Variants in TACR3 observed in about 807,000 individuals in gnomAD.
TACR3 encodes neuromedin-K receptor.
A neutral mutation model predicts 35.0 loss-of-function variants in TACR3; 34 were observed. The ratio of observed to expected loss-of-function variants is 0.97; its 90% CI spans 0.74 to 1.30. The LOEUF (loss-of-function observed/expected upper bound fraction) is 1.30, where lower values mean the gene tolerates loss of function less well. TACR3 is among the 50% of genes most tolerant of loss of function. The probability of loss-of-function intolerance (pLI) is 0.00; values close to 1 mark genes in which losing one functional copy is unlikely to be tolerated. For missense variants in TACR3, 558 were observed against 591.7 expected (o/e 0.94, Z 0.59); for synonymous variants, 233 against 221.1 (o/e 1.05, Z -0.48).
chr4:103,611,697 G>T (rs1257993100), intron 3 of TACR3, among the ~76,000 whole-genome samples: 1 of 152,024 alleles, frequency 6.6e-6, no homozygotes, highest in Non-Finnish European at 1.5e-5. Flanking sequence ...AGAGGAGAAT[G>T]ATTCTGGAGC....
chr4:103,689,151 C>T (rs1174649205), intron 1 of TACR3, among the ~76,000 whole-genome samples: 5 of 147,394 alleles, frequency 3.4e-5, no homozygotes, highest in African/African-American at 1.3e-4. Context: ...ATCGCAAGAA[C>T]AAAAAACCAA....
chr4:103,641,469 A>G (rs1227766037), intron 3 of TACR3, among the ~76,000 whole-genome samples: 1 of 152,000 alleles, frequency 6.6e-6, no homozygotes, highest in African/African-American at 2.4e-5. Context: ...AAAATGGAAG[A>G]TAAGTGTTGG....
chr4:103,606,320 T>C (rs1724362038), intron 3 of TACR3, among the ~76,000 whole-genome samples: 8 of 152,126 alleles, frequency 5.3e-5, no homozygotes, highest in Admixed American at 5.2e-4. Flanking sequence ...TCTTTTTTGG[T>C]TCCATATGAA....
intron 3 of TACR3, among the ~76,000 whole-genome samples, chr4:103,599,344 G>A (rs113538428): frequency 3.3e-5 from 5 of 152,202 alleles, no homozygotes; most frequent in Admixed American, 6.5e-5. Flanking sequence ...TCAGCTTGAG[G>A]AGATTTTGGG....
At chr4:103,707,331 A>C (rs1722817981) in intron 1 of TACR3, among the ~76,000 whole-genome samples, 1 of 152,216 alleles carries the variant, frequency 6.6e-6, no homozygotes, top group Non-Finnish European at 1.5e-5. Context: ...TTTATAAGAA[A>C]TTAAGACTGT....
chr4:103,703,466 T>C lies in TACR3; in HGVS notation c.548+15662A>G, dbSNP rs902195227. 2.6e-5 allele frequency among the ~76,000 whole-genome samples: 4 copies of C among 152,248 alleles called. No individual in the cohort carries two copies. In the South Asian group the frequency reaches 8.3e-4, roughly 32 times the overall value. On this transcript the variant is annotated intron_variant, in intron 1 of 4. Coordinates refer to ENST00000304883, the MANE Select transcript of TACR3 (RefSeq NM_001059.3). ...GTCTCAACATTCAGAGAAAATTCAA[T>C]CCATATTCACCTCATGGCACATATA...
intron 3 of TACR3, among the ~76,000 whole-genome samples, chr4:103,598,657 C>T (rs2110288265): frequency 6.6e-6 from 1 of 152,300 alleles, no homozygotes; most frequent in African/African-American, 2.4e-5. Flanking sequence ...GATCCAGTTT[C>T]AGCTTTCTAC....
chr4:103,591,790 C>CT, intron 3 of TACR3, 107 bp from the exon 4 acceptor site: 2 of 1,075,314 alleles, frequency 1.9e-6, no homozygotes, highest in South Asian at 2.7e-5. Context: ...CACATCATGC[C>CT]TAGGGAATAG....
Position 103,603,925 on chromosome 4 carries a change from T to C in TACR3, c.889-12242A>G, listed in dbSNP as rs150062161. Among the ~76,000 whole-genome samples the C allele has an allele frequency of 7.2e-3, 1,104 of 152,336 alleles. 5 individuals carry two copies. The highest frequency in any genetic ancestry group is 0.011 in the Admixed American group (167 of 15,290). On this transcript the variant is annotated intron_variant, in intron 3 of 4. Coordinates refer to ENST00000304883, the MANE Select transcript of TACR3 (RefSeq NM_001059.3). Reference sequence around the variant, plus strand: ...CAAACGGAAAAACATTCCATGCTCATGGATAGGAAGAATCAGTATCTTGAA... The same window carrying C: ...CAAACGGAAAAACATTCCATGCTCACGGATAGGAAGAATCAGTATCTTGAA...
At chr4:103,687,057 TG>T (rs1722264732) in intron 1 of TACR3, among the ~76,000 whole-genome samples, 2 of 152,096 alleles carry the variant, frequency 1.3e-5, no homozygotes, top group African/African-American at 4.8e-5. Flanking sequence ...CATGATCAAG[TG>T]GGCTTCATCC....
At chr4:103,615,044 G>A (rs1450431139) in intron 3 of TACR3, among the ~76,000 whole-genome samples, 1 of 151,576 alleles carries the variant, frequency 6.6e-6, no homozygotes, top group Admixed American at 6.6e-5. Context: ...ACAGGCGCCC[G>A]CCATCACGCC....
At chr4:103,591,189 C>T (rs1723885165) in intron 4 of TACR3, 2 of 430,520 alleles carry the variant, frequency 4.6e-6, no homozygotes, top group East Asian at 8.9e-5. Context: ...CATGAGGGCA[C>T]TTCTTTTTCT....
chr4:103,609,478 G>A (rs1231453116), intron 3 of TACR3, among the ~76,000 whole-genome samples: 1 of 151,872 alleles, frequency 6.6e-6, no homozygotes, highest in Admixed American at 6.6e-5. Context: ...GTTTTATTTT[G>A]TTTATAATTA....
intron 3 of TACR3, among the ~76,000 whole-genome samples, chr4:103,618,802 A>C (rs568237785): frequency 2.6e-5 from 4 of 151,930 alleles, no homozygotes; most frequent in African/African-American, 9.7e-5. Context: ...CCTTGTAAAG[A>C]TCTTCCACCT....
At chr4:103,640,777 A>T (rs973276286) in intron 3 of TACR3, among the ~76,000 whole-genome samples, 21 of 151,642 alleles carry the variant, frequency 1.4e-4, no homozygotes, top group African/African-American at 4.8e-4. Flanking sequence ...ATCAGCTATC[A>T]TTAGTGTTAG....
intron 1 of TACR3, among the ~76,000 whole-genome samples, chr4:103,680,324 T>C (rs1726263348): frequency 6.6e-6 from 1 of 151,490 alleles, no homozygotes; most frequent in Admixed American, 6.6e-5. Context: ...TTTTATTCTA[T>C]TGAGATAAGG....
At chr4:103,640,668 A>G (rs1257108431) in intron 3 of TACR3, among the ~76,000 whole-genome samples, 1 of 151,990 alleles carries the variant, frequency 6.6e-6, no homozygotes, top group African/African-American at 2.4e-5. Flanking sequence ...CACAGGCTGC[A>G]TGTGGCCCAG....
intron 3 of TACR3, among the ~76,000 whole-genome samples, chr4:103,629,696 G>A (rs867998927): frequency 7.2e-5 from 11 of 151,910 alleles, no homozygotes; most frequent in Admixed American, 2.0e-4. Flanking sequence ...AATTAATATC[G>A]TGAAAATGGC....
intron 1 of TACR3, among the ~76,000 whole-genome samples, chr4:103,674,075 G>A (rs1726113510): frequency 6.6e-6 from 1 of 152,176 alleles, no homozygotes; most frequent in African/African-American, 2.4e-5. Flanking sequence ...AGGAGCAATA[G>A]ACTTATTGCA....
Sources: allele counts gnomAD v4.1 joint callset (sites outside exome capture counted in the v4.1 genomes callset), GRCh38; gene constraint gnomAD v4.1.1; transcripts MANE v1.5; gene names NCBI Gene and HGNC (gene_info 2026-07-23, HGNC 2026-07-21).